Variants in BBS7 observed in about 807,000 individuals in gnomAD.
The protein encoded by BBS7 is Bardet-Biedl syndrome 7, also known as BBSome complex member BBS7.
In BBS7, 50 loss-of-function variants were observed where a neutral mutation model predicts 90.3. The observed-to-expected ratio is 0.55, with a 90% CI of 0.44 to 0.70. BBS7 has a LOEUF of 0.70. Ranked by LOEUF, BBS7 falls within the 30% of genes least tolerant of loss-of-function variation. BBS7 has a pLI of 0.00. For missense variants in BBS7, 729 were observed against 838.9 expected, an observed-to-expected ratio of 0.87 and a Z score of 1.62; for synonymous variants, 235 against 287.4, an observed-to-expected ratio of 0.82 and a Z score of 1.85.
At chr4:121,853,283 G>A (rs1726422293) in intron 7 of BBS7, among the ~76,000 whole-genome samples, 197 bp from the exon 8 acceptor site, 2 of 152,026 alleles carry the variant, frequency 1.3e-5, no homozygotes, top group Admixed American at 6.6e-5. Context: ...GTGTGAGAAC[G>A]GCCCCTACAT....
At chr4:121,852,250 A>T (rs1236799172) in intron 8 of BBS7, among the ~76,000 whole-genome samples, 1 of 152,166 alleles carries the variant, frequency 6.6e-6, no homozygotes, top group African/African-American at 2.4e-5. Context: ...TAGTAGATAA[A>T]TTAGACCAAA....
At chr4:121,855,329 A>C (rs745568077) in intron 6 of BBS7, 160 bp downstream of exon 6, 377 of 691,474 alleles carry the variant, frequency 5.5e-4, no homozygotes, top group Admixed American at 1.1e-3. Flanking sequence ...AAAAAGAAAA[A>C]AACGGAGAAT....
chr4:121,848,464 A>G (rs141869830), intron 9 of BBS7, among the ~76,000 whole-genome samples: 1 of 152,222 alleles, frequency 6.6e-6, no homozygotes, highest in Non-Finnish European at 1.5e-5. Context: ...TTATCAGATC[A>G]ACTGTTGTAG....
chr4:121,843,975 A>G lies in BBS7; in HGVS notation c.1257T>C (p.Asp419=), dbSNP rs1006165063. Residue 419 remains aspartate, a synonymous_variant, in exon 12 of 19, where the codon GAT becomes GAC. Transcript: ENST00000264499. ...IQSDVPIDLL[D]VDKNSAVVSF... ...TAACAACAGCAGAATTTTTATCCAC[A>G]TCAAGTAAATCTATTGGAACATCAC... 5.6e-6 allele frequency: 9 copies of G among 1,601,044 alleles called. No individual in the cohort carries two copies. The highest frequency in any genetic ancestry group is 1.3e-5 in the African/African-American group (1 of 74,778).
intron 14 of BBS7, 34 bp downstream of exon 14, chr4:121,835,110 T>A: frequency 6.2e-7 from 1 of 1,609,356 alleles, no homozygotes. Context: ...TTGTGTAATA[T>A]CCTAAAAAGA....
At position 121,828,641 on chromosome 4, in the gene BBS7, T is replaced by C. The variant is rs759310647; in HGVS notation, c.1764A>G (p.Lys588=). Residue 588 remains lysine, a synonymous_variant, in exon 16 of 19, where the codon AAA becomes AAG. Transcript: ENST00000264499. ...TACCGTATGATATGTTGAGGTTAATTTTCCTTTTTGTAGCTTCTTTAGAAA... is the reference window on the plus strand; with the variant it reads ...TACCGTATGATATGTTGAGGTTAATCTTCCTTTTTGTAGCTTCTTTAGAAA... The part of the protein sequence containing the change: ...DVLSKEATKR[K]INLNISYEIN... The C allele has an allele frequency of 5.6e-6, 9 of 1,605,152 alleles. No homozygotes were observed. The highest frequency in any genetic ancestry group is 6.0e-6 in the Non-Finnish European group (7 of 1,172,282).
chr4:121,833,449 T>A, intron 14 of BBS7, 54 bp from the exon 15 acceptor site: 1 of 1,517,512 alleles, frequency 6.6e-7, no homozygotes, highest in Non-Finnish European at 9.1e-7. Context: ...ATGAAAGTAT[T>A]ATATGTACAC....
At chr4:121,865,811 T>C (rs1426721642) in intron 2 of BBS7, among the ~76,000 whole-genome samples, 2 of 152,242 alleles carry the variant, frequency 1.3e-5, no homozygotes, top group East Asian at 3.8e-4. Context: ...ATAGTGGATG[T>C]ACTATCCCAC....
intron 14 of BBS7, among the ~76,000 whole-genome samples, chr4:121,834,455 A>C (rs1725347269): frequency 6.6e-6 from 1 of 152,224 alleles, no homozygotes; most frequent in East Asian, 1.9e-4. Context: ...AATTATAGGC[A>C]GCAATATAAA....
At chr4:121,861,738 C>T in intron 3 of BBS7, 59 bp from the exon 4 acceptor site, 1 of 1,571,416 alleles carries the variant, frequency 6.4e-7, no homozygotes, top group Non-Finnish European at 8.7e-7. Context: ...GCATTTTTTC[C>T]TTTACAATAG....
Position 121,854,841 on chromosome 4 carries a change from CATATT to C in BBS7, c.602-26_602-22del. On this transcript the variant is annotated intron_variant, in intron 6 of 18. Coordinates refer to ENST00000264499, the MANE Select transcript of BBS7 (RefSeq NM_176824.3). ...GTCACCTACTTATAATTAAAGTCAA[CATATT>C]ATATTTATCCTACAATTAGTAATCT... 1.9e-6 allele frequency: 3 copies of C among 1,597,624 alleles called. No homozygotes were observed. In the African/African-American group the frequency reaches 4.0e-5, roughly 21 times the overall value.
intron 15 of BBS7, among the ~76,000 whole-genome samples, chr4:121,832,492 A>T (rs920362421): frequency 5.3e-5 from 8 of 152,214 alleles, no homozygotes; most frequent in African/African-American, 1.7e-4. Flanking sequence ...TTTCACATTC[A>T]GAGACAGGTT....
intron 6 of BBS7, among the ~76,000 whole-genome samples, chr4:121,855,062 C>T (rs1416227887): frequency 6.6e-6 from 1 of 152,078 alleles, no homozygotes; most frequent in Non-Finnish European, 1.5e-5. Flanking sequence ...CCTGTAATCC[C>T]AGCACTTTGG....
At chr4:121,843,899 T>TGAA in intron 12 of BBS7, 28 bp downstream of exon 12, 1 of 1,459,084 alleles carries the variant, frequency 6.9e-7, no homozygotes, top group Non-Finnish European at 9.5e-7. Flanking sequence ...TGAAAGCATG[T>TGAA]GAAGAATTCT....
Position 121,854,912 on chromosome 4 carries a change from A to C in BBS7, c.602-92T>G. 3 of 1,245,306 alleles carry C rather than the reference A, an allele frequency of 2.4e-6. No individual in the cohort carries two copies. The South Asian group carries it at 3.9e-5, about 16-fold the overall frequency. 77.1% of individuals were successfully genotyped at this position (1,245,306 alleles called of 1,614,324 possible). On this transcript the variant is annotated intron_variant, in intron 6 of 18. Coordinates refer to ENST00000264499, the MANE Select transcript of BBS7 (RefSeq NM_176824.3). ...GTTGTTATGTAAAAATATCATTTTAAAAAGTACTATAAAAAGATATAAAAC... is the reference window on the plus strand; with the variant it reads ...GTTGTTATGTAAAAATATCATTTTACAAAGTACTATAAAAAGATATAAAAC...
At chr4:121,861,940 A>C (rs1727005624) in intron 3 of BBS7, among the ~76,000 whole-genome samples, 1 of 152,178 alleles carries the variant, frequency 6.6e-6, no homozygotes, top group Non-Finnish European at 1.5e-5. Flanking sequence ...CAGTTCACTA[A>C]GCAGCAATGT....
At chr4:121,865,166 G>T (rs533565372) in intron 2 of BBS7, among the ~76,000 whole-genome samples, 1 of 151,706 alleles carries the variant, frequency 6.6e-6, no homozygotes, top group South Asian at 2.1e-4. Flanking sequence ...TCTGTTCCTG[G>T]CTTATTTCAC....
intron 6 of BBS7, chr4:121,855,283 G>A (rs1031095140): frequency 5.7e-6 from 3 of 530,116 alleles, no homozygotes; most frequent in African/African-American, 1.9e-5. Context: ...ACGCCAGCCT[G>A]GGAGACAGAG....
chr4:121,839,777 T>TA lies in BBS7; in HGVS notation c.1306-82dup, dbSNP rs747217575. ...AAAAGACATCAATAATAATAATGGT[T>TA]ACCATTTGCTTAAGCACCTGTCATT... On this transcript the variant is annotated intron_variant, in intron 12 of 18. Coordinates refer to ENST00000264499, the MANE Select transcript of BBS7 (RefSeq NM_176824.3). 413 of 1,239,362 alleles carry TA rather than the reference T, an allele frequency of 3.3e-4. 2 individuals carry two copies. The Middle Eastern group carries it at 6.3e-3, about 19-fold the overall frequency. The allele number at this position is 1,239,362 out of a possible 1,614,324, so 76.8% of individuals were successfully genotyped here.
Sources: allele counts gnomAD v4.1 joint callset (sites outside exome capture counted in the v4.1 genomes callset), GRCh38; gene constraint gnomAD v4.1.1; transcripts MANE v1.5; gene names NCBI Gene and HGNC (gene_info 2026-07-23, HGNC 2026-07-21).